Variants in MTUS1 observed in about 807,000 individuals in gnomAD.
MTUS1 encodes microtubule associated scaffold protein 1.
A neutral mutation model predicts 120.8 loss-of-function variants in MTUS1; 109 were observed. The observed-to-expected ratio is 0.90, with a 90% CI of 0.77 to 1.06. The LOEUF is 1.06. Ranked by LOEUF, MTUS1 falls within the 50% of genes least tolerant of loss-of-function variation. MTUS1 has a pLI of 0.00. For synonymous variants in MTUS1, 737 were observed against 550.5 expected, an observed-to-expected ratio of 1.34 and a Z score of -4.74; for missense variants, 2,210 against 1,486.3, an observed-to-expected ratio of 1.49 and a Z score of -8.01.
In MTUS1 at chr8:17,704,485, C is replaced by T. The variant is rs562215949; in HGVS notation, c.2623+8729G>A. On this transcript the variant is annotated intron_variant, in intron 6 of 14. Coordinates refer to ENST00000693296, the MANE Select transcript of MTUS1 (RefSeq NM_001363059.2). Reference sequence around the variant, plus strand: ...ATAAGGGTCCAATTTCATTATTTTGCTTGTGGATGTCCAGTTTTCCCAGTA... The same window carrying T: ...ATAAGGGTCCAATTTCATTATTTTGTTTGTGGATGTCCAGTTTTCCCAGTA... Among the ~76,000 whole-genome samples, 17 of 152,288 alleles carry T rather than the reference C, an allele frequency of 1.1e-4. No individual in the cohort carries two copies. In the South Asian group the frequency reaches 2.7e-3, roughly 24 times the overall value.
chr8:17,658,024 G>GACACACACAC (rs58132896), intron 8 of MTUS1, among the ~76,000 whole-genome samples: 11,367 of 140,378 alleles, frequency 0.081, 565 homozygotes, highest in Middle Eastern at 0.13. Flanking sequence ...TATATATATA[G>GACACACACAC]ACACACACAC....
rs754181846 is a variant in MTUS1 at position 17,703,361 on chromosome 8, C to T, written c.2623+9853G>A. Among the ~76,000 whole-genome samples the T allele has an allele frequency of 4.5e-4, 68 of 152,100 alleles. 1 individual carries two copies. The highest frequency in any genetic ancestry group is 5.4e-4 in the Non-Finnish European group (37 of 67,982). On this transcript the variant is annotated intron_variant, in intron 6 of 14. Transcript: ENST00000693296. ...GCGGTGGAGATAGCTTGGCCGGGTG[C>T]GGTGGCTCACGCCTGTGATCGCAGC...
intron 1 of MTUS1, among the ~76,000 whole-genome samples, chr8:17,768,026 C>T (rs974270157): frequency 6.6e-6 from 1 of 152,296 alleles, no homozygotes; most frequent in African/African-American, 2.4e-5. Flanking sequence ...GTCCTCTGCC[C>T]TGAGCAGCAG....
chr8:17,754,995 G>C lies in MTUS1; in HGVS notation c.813C>G (p.Val271=), dbSNP rs371296182. Residue 271 remains valine, a synonymous_variant, in exon 2 of 15, where the codon GTC becomes GTG. Transcript: ENST00000693296. ...GNQCACSSGK[V]TSEYTDGSQQ... ...GTGATCCATCTGTGTACTCACTGGT[G>C]ACCTTTCCTGAAGAACATGCACACT... 916 of 1,613,994 alleles carry C rather than the reference G, an allele frequency of 5.7e-4. 1 individual carries two copies. Among genetic ancestry groups the C allele is most frequent in the Non-Finnish European group, 7.2e-4 (846 of 1,180,022 alleles).
chr8:17,790,845 G>C (rs1349112225), intron 1 of MTUS1, among the ~76,000 whole-genome samples: 2 of 152,048 alleles, frequency 1.3e-5, no homozygotes, highest in Non-Finnish European at 2.9e-5. Context: ...AAATTAGCCG[G>C]GCATGATGGC....
intron 6 of MTUS1, chr8:17,708,764 C>A (rs1820656369): frequency 6.6e-6 from 1 of 152,218 alleles, no homozygotes; most frequent in Non-Finnish European, 1.5e-5. Context: ...TATATTCACA[C>A]TCAGCATCCT....
At chr8:17,692,201 T>G (rs1218011837) in intron 6 of MTUS1, 6 of 152,186 alleles carry the variant, frequency 3.9e-5, no homozygotes, top group Admixed American at 3.3e-4. Context: ...TTTATACCTG[T>G]CTGTGGGACA....
Position 17,653,416 on chromosome 8 carries a change from T to G in MTUS1, c.3288+9A>C. ...TGTGGGGGATACTGGGATATTGACATTCACCCACCTCTAGCGATTCCTGCT... is the reference window on the plus strand; with the variant it reads ...TGTGGGGGATACTGGGATATTGACAGTCACCCACCTCTAGCGATTCCTGCT... On this transcript the variant is annotated intron_variant, in intron 11 of 14. Coordinates refer to ENST00000693296, the MANE Select transcript of MTUS1 (RefSeq NM_001363059.2). 6.3e-7 allele frequency: 1 copy of G among 1,596,884 alleles called. No homozygotes were observed. The highest frequency in any genetic ancestry group is 8.5e-7 in the Non-Finnish European group (1 of 1,170,582).
intron 1 of MTUS1, among the ~76,000 whole-genome samples, chr8:17,767,824 C>T (rs1426706586): frequency 1.3e-5 from 2 of 151,974 alleles, no homozygotes; most frequent in South Asian, 4.1e-4. Flanking sequence ...TTGGCTTCTA[C>T]TCTGAGAGCA....
At chr8:17,774,189 G>A (rs1241958446) in intron 1 of MTUS1, among the ~76,000 whole-genome samples, 1 of 152,150 alleles carries the variant, frequency 6.6e-6, no homozygotes, top group Non-Finnish European at 1.5e-5. Flanking sequence ...CTGTTAAGAA[G>A]CTCCCAGGCT....
At chr8:17,661,572 T>C (rs562061782) in intron 8 of MTUS1, among the ~76,000 whole-genome samples, 2 of 152,258 alleles carry the variant, frequency 1.3e-5, no homozygotes, top group East Asian at 3.9e-4. Flanking sequence ...CACATCAGCC[T>C]TTAAAACCAA....
At chr8:17,751,745 C>T (rs2048209095) in intron 2 of MTUS1, among the ~76,000 whole-genome samples, 1 of 151,538 alleles carries the variant, frequency 6.6e-6, no homozygotes, top group African/African-American at 2.4e-5. Context: ...GTAGTCCCAG[C>T]TACCTGGGAG....
intron 2 of MTUS1, among the ~76,000 whole-genome samples, chr8:17,750,081 G>A (rs1297859543): frequency 6.6e-6 from 1 of 152,164 alleles, no homozygotes; most frequent in Non-Finnish European, 1.5e-5. Context: ...CATGTTCCCT[G>A]TCATCACTCT....
intron 6 of MTUS1, chr8:17,697,503 C>A (rs1818224205): frequency 2.1e-6 from 3 of 1,420,692 alleles, no homozygotes; most frequent in Non-Finnish European, 2.8e-6. Context: ...GCCTACACAG[C>A]AAATGTCATT....
chr8:17,763,056 A>G (rs1483598164), intron 1 of MTUS1, among the ~76,000 whole-genome samples: 1 of 151,802 alleles, frequency 6.6e-6, no homozygotes, highest in Non-Finnish European at 1.5e-5. Context: ...TAATGGCGCA[A>G]TCTTGGCTCA....
At position 17,723,810 on chromosome 8, in the gene MTUS1, C is replaced by A. The variant is rs2131114662; in HGVS notation, c.2311G>T (p.Ala771Ser). The change falls in exon 4 of 15, where the codon GCA becomes TCA. Residue 771 changes from alanine to serine, a missense_variant. Ala to Ser is a moderately conservative substitution (Grantham distance 99). Coordinates refer to ENST00000693296, the MANE Select transcript of MTUS1 (RefSeq NM_001363059.2). ...SSGKPTSLKTAQSSWVNLPRP... is the reference protein window; with the variant it reads ...SSGKPTSLKTSQSSWVNLPRP... Reference sequence around the variant, plus strand: ...GGCAAATTCACCCATGACGACTGTGCAGTTTTCAAGGATGTAGGCTTTCCT... The same window carrying A: ...GGCAAATTCACCCATGACGACTGTGAAGTTTTCAAGGATGTAGGCTTTCCT... 1 of 1,596,802 alleles carries A rather than the reference C, an allele frequency of 6.3e-7. No individual in the cohort carries two copies. Among genetic ancestry groups the A allele is most frequent in the East Asian group, 2.2e-5 (1 of 44,732 alleles).
At chr8:17,736,058 G>A (rs373319112) in intron 3 of MTUS1, among the ~76,000 whole-genome samples, 6 of 152,136 alleles carry the variant, frequency 3.9e-5, no homozygotes, top group Non-Finnish European at 2.9e-5. Context: ...CCTGTTTGTA[G>A]TCTCAGAATC....
intron 1 of MTUS1, among the ~76,000 whole-genome samples, chr8:17,791,778 A>T (rs1188892380): frequency 6.6e-6 from 1 of 152,214 alleles, no homozygotes; most frequent in East Asian, 1.9e-4. Context: ...GCACCAGCAG[A>T]TCCAAGCAAC....
At chr8:17,691,069 T>C (rs1026385808) in intron 6 of MTUS1, among the ~76,000 whole-genome samples, 1 of 152,208 alleles carries the variant, frequency 6.6e-6, no homozygotes, top group Admixed American at 6.5e-5. Flanking sequence ...AGTATTTACT[T>C]ATATACAGCT....
Sources: gnomAD v4.1 joint callset for allele counts (sites outside exome capture counted in the v4.1 genomes callset) on GRCh38, gnomAD v4.1.1 for gene constraint, MANE v1.5 for transcripts, NCBI Gene and HGNC (gene_info 2026-07-23, HGNC 2026-07-21) for gene names.